PLCH1: variants seen among roughly 807,000 people sequenced by gnomAD.
PLCH1 encodes 1-phosphatidylinositol 4,5-bisphosphate phosphodiesterase eta-1.
In PLCH1, 60 loss-of-function variants were observed where a neutral mutation model predicts 126.7. The observed-to-expected ratio is 0.47, with a 90% CI of 0.38 to 0.59. The LOEUF (loss-of-function observed/expected upper bound fraction) is 0.59, where lower values mean the gene tolerates loss of function less well. PLCH1 is among the 20% of genes least tolerant of loss of function. PLCH1 has a pLI of 0.00. For synonymous variants in PLCH1, 719 were observed against 734.9 expected, an observed-to-expected ratio of 0.98 and a Z score of 0.35; for missense variants, 1,723 against 2,040.0, an observed-to-expected ratio of 0.84 and a Z score of 2.99.
chr3:155,471,150 A>G (rs1176886488), intron 21 of PLCH1, among the ~76,000 whole-genome samples: 1 of 152,248 alleles, frequency 6.6e-6, no homozygotes, highest in African/African-American at 2.4e-5. Context: ...TAAACAGTCA[A>G]GACCCATCAG....
chr3:155,485,184 T>C (rs1280594945), intron 22 of PLCH1, among the ~76,000 whole-genome samples, 172 bp downstream of exon 22: 1 of 152,224 alleles, frequency 6.6e-6, no homozygotes, highest in Non-Finnish European at 1.5e-5. Flanking sequence ...GAAATGGATC[T>C]ACCTGGCCCC....
intron 19 of PLCH1, 132 bp from the exon 20 acceptor site, chr3:155,488,938 A>G (rs549049971): frequency 1.4e-6 from 1 of 696,750 alleles, no homozygotes; most frequent in African/African-American, 1.8e-5. Flanking sequence ...CAACTAAGCC[A>G]CACTCAAGGA....
chr3:155,496,189 G>A (rs1576826372), intron 15 of PLCH1, among the ~76,000 whole-genome samples: 1 of 152,134 alleles, frequency 6.6e-6, no homozygotes, highest in Non-Finnish European at 1.5e-5. Flanking sequence ...GACAAAAACA[G>A]CTGAAGTTCC....
chr3:155,712,891 C>G (rs574697153), intron 1 of PLCH1, among the ~76,000 whole-genome samples: 2 of 151,666 alleles, frequency 1.3e-5, no homozygotes, highest in South Asian at 4.2e-4. Flanking sequence ...CCTTCAGTAT[C>G]CTTTTCCATA....
chr3:155,496,302 A>G (rs892626845), intron 15 of PLCH1, among the ~76,000 whole-genome samples: 1 of 152,210 alleles, frequency 6.6e-6, no homozygotes, highest in Non-Finnish European at 1.5e-5. Flanking sequence ...ATATACCTTT[A>G]ACTTAATGCA....
intron 8 of PLCH1, among the ~76,000 whole-genome samples, chr3:155,555,110 AAC>A (rs1726637986): frequency 6.6e-6 from 1 of 152,272 alleles, no homozygotes; most frequent in African/African-American, 2.4e-5. Flanking sequence ...CACAGCATCC[AAC>A]ACAGAGAAGT....
At chr3:155,512,241 A>C (rs1341759467) in intron 12 of PLCH1, among the ~76,000 whole-genome samples, 1 of 152,146 alleles carries the variant, frequency 6.6e-6, no homozygotes, top group African/African-American at 2.4e-5. Flanking sequence ...AGATATCTAC[A>C]AATACCTATC....
At chr3:155,536,691 C>G (rs771824724) in intron 10 of PLCH1, among the ~76,000 whole-genome samples, 60 of 151,908 alleles carry the variant, frequency 3.9e-4, no homozygotes, top group Non-Finnish European at 5.9e-4. Context: ...AATGAACAAA[C>G]CTAAGAATAC....
intron 2 of PLCH1, 36 bp from the exon 3 acceptor site, chr3:155,596,414 C>A: frequency 6.3e-7 from 1 of 1,585,712 alleles, no homozygotes; most frequent in Non-Finnish European, 8.6e-7. Context: ...AGCTATCACA[C>A]AATGCACAGG....
Position 155,616,613 on chromosome 3 carries a change from A to G in PLCH1, c.80-20235T>C, listed in dbSNP as rs1735835952. Among the ~76,000 whole-genome samples, 5 of 152,290 alleles carry G rather than the reference A, an allele frequency of 3.3e-5. No homozygotes were observed. The South Asian group carries it at 1.0e-3, about 32-fold the overall frequency. ...TATTAAAATTAGCTTTAGCATTACTATATTACTGCAAAGAAAAAAGTTTGG... is the reference window on the plus strand; with the variant it reads ...TATTAAAATTAGCTTTAGCATTACTGTATTACTGCAAAGAAAAAAGTTTGG... On this transcript the variant is annotated intron_variant, in intron 2 of 22. Transcript: ENST00000460012.
At chr3:155,682,151 C>T (rs899226892) in intron 2 of PLCH1, among the ~76,000 whole-genome samples, 8 of 152,306 alleles carry the variant, frequency 5.3e-5, no homozygotes, top group Non-Finnish European at 1.0e-4. Context: ...TGGAAATATG[C>T]TTTCAGTTTT....
chr3:155,568,994 T>C (rs1246340772), intron 6 of PLCH1, among the ~76,000 whole-genome samples: 9 of 152,172 alleles, frequency 5.9e-5, no homozygotes, highest in Admixed American at 4.6e-4. Flanking sequence ...GGCTACCTGA[T>C]AGTGGAGTGA....
intron 1 of PLCH1, among the ~76,000 whole-genome samples, chr3:155,736,013 C>A (rs1039219891): frequency 6.6e-6 from 1 of 152,146 alleles, no homozygotes; most frequent in African/African-American, 2.4e-5. Context: ...TCCAGTTATT[C>A]TTTCCCAAAG....
intron 2 of PLCH1, among the ~76,000 whole-genome samples, chr3:155,622,773 T>C (rs941893600): frequency 2.6e-5 from 4 of 152,054 alleles, no homozygotes; most frequent in African/African-American, 9.7e-5. Context: ...CAAGTTCTTA[T>C]AGACCTACAA....
At chr3:155,575,114 G>C (rs2108558516) in intron 6 of PLCH1, among the ~76,000 whole-genome samples, 1 of 151,728 alleles carries the variant, frequency 6.6e-6, no homozygotes, top group African/African-American at 2.4e-5. Flanking sequence ...CTGTGTGACA[G>C]AGCAAGACCC....
intron 3 of PLCH1, among the ~76,000 whole-genome samples, chr3:155,595,802 G>A (rs1394669563): frequency 6.6e-6 from 1 of 152,066 alleles, no homozygotes; most frequent in African/African-American, 2.4e-5. Context: ...CTTTAAGTAG[G>A]AGTCACATCA....
intron 4 of PLCH1, among the ~76,000 whole-genome samples, chr3:155,590,879 A>C (rs1030389052): frequency 1.3e-5 from 2 of 151,966 alleles, no homozygotes; most frequent in Non-Finnish European, 2.9e-5. Context: ...ACTATTCATC[A>C]ATTTATTATT....
chr3:155,603,510 T>A (rs1272642930), intron 2 of PLCH1, among the ~76,000 whole-genome samples: 1 of 152,168 alleles, frequency 6.6e-6, no homozygotes, highest in East Asian at 1.9e-4. Flanking sequence ...CACAGTTTTG[T>A]GGGCACAAAG....
chr3:155,584,979 G>A (rs1731169994), intron 5 of PLCH1, among the ~76,000 whole-genome samples: 1 of 152,154 alleles, frequency 6.6e-6, no homozygotes, highest in Non-Finnish European at 1.5e-5. Context: ...CGGAATACCA[G>A]AAACATGGCA....
Sources: gnomAD v4.1 joint callset for allele counts (sites outside exome capture counted in the v4.1 genomes callset) on GRCh38, gnomAD v4.1.1 for gene constraint, MANE v1.5 for transcripts, NCBI Gene and HGNC (gene_info 2026-07-23, HGNC 2026-07-21) for gene names.